The following MYCBP2 variants were observed in gnomAD, a reference collection of about 807,000 sequenced individuals.
MYCBP2 encodes the protein MYC binding protein 2, also known as E3 ubiquitin-protein ligase MYCBP2.
Under a neutral mutation model 525.3 loss-of-function variants are expected in MYCBP2, and 120 were observed. That is an observed-to-expected ratio of 0.23 (90% CI 0.20 to 0.27). The LOEUF (loss-of-function observed/expected upper bound fraction) is 0.27. Ranked by LOEUF, MYCBP2 falls within the 10% of genes least tolerant of loss-of-function variation. The pLI is 1.00. For synonymous variants in MYCBP2, 1,894 were observed against 1,955.8 expected, an observed-to-expected ratio of 0.97 and a Z score of 0.83; for missense variants, 4,149 against 5,657.1, an observed-to-expected ratio of 0.73 and a Z score of 8.55.
intron 43 of MYCBP2, 139 bp from the exon 44 acceptor site, chr13:77,162,094 A>G: frequency 4.7e-6 from 3 of 637,918 alleles, no homozygotes; most frequent in Non-Finnish European, 8.1e-6. Context: ...GATTCTGGAA[A>G]AAATCCTAGT....
At chr13:77,052,087 T>C (rs557457695) in intron 80 of MYCBP2, among the ~76,000 whole-genome samples, 169 bp from the exon 81 acceptor site, 3 of 152,316 alleles carry the variant, frequency 2.0e-5, no homozygotes, top group East Asian at 1.9e-4. Flanking sequence ...GCTGACTGTA[T>C]GTAGGGTGGA....
Position 77,051,037 on chromosome 13 carries a change from C to A in MYCBP2, c.13881G>T (p.Met4627Ile). ...CNACHDDFQRMTSIPKEELPH... is the reference protein window; with the variant it reads ...CNACHDDFQRITSIPKEELPH... The stretch of plus-strand genomic sequence containing the variant: ...GTAGTTCTTCCTTAGGAATGCTAGT[C>A]ATTCTTTGAAAATCATCATGACAAG... Residue 4627 changes from methionine (M) to isoleucine (I), a missense_variant, in exon 82 of 83, where the codon ATG becomes ATT. Around this residue, in one of 21 missense-constraint regions of MYCBP2, gnomAD observed 45 missense variants for 130.1 expected, o/e 0.35. Transcript: ENST00000544440. 1 of 1,613,194 alleles carries A rather than the reference C, an allele frequency of 6.2e-7. No individual in the cohort carries two copies. Among genetic ancestry groups the A allele is most frequent in the South Asian group, 1.1e-5 (1 of 90,952 alleles).
At chr13:77,154,220 T>C (rs78012799) in intron 46 of MYCBP2, among the ~76,000 whole-genome samples, 2,050 of 152,222 alleles carry the variant, frequency 0.013, 47 homozygotes, top group African/African-American at 0.046. Context: ...TCACTTCTTC[T>C]AGATAGTATT....
intron 4 of MYCBP2, among the ~76,000 whole-genome samples, chr13:77,277,869 C>T (rs1010387272): frequency 6.6e-5 from 10 of 151,986 alleles, no homozygotes; most frequent in African/African-American, 1.9e-4. Context: ...GTTTAAAGAC[C>T]CATAGTTAGC....
At position 77,200,031 on chromosome 13, in the gene MYCBP2, A is replaced by G. The variant is rs563896633; in HGVS notation, c.3843+5225T>C. ...CAGTTCCTCACCAGCAACGGAACAA[A>G]GCTGGATGGAGAATGACTTTGACGA... On this transcript the variant is annotated intron_variant, in intron 26 of 82. Transcript: ENST00000544440. 1.2e-4 allele frequency among the ~76,000 whole-genome samples: 18 copies of G among 152,346 alleles called. 1 individual carries two copies. The South Asian group carries it at 3.7e-3, about 32-fold the overall frequency.
At chr13:77,165,497 C>T in intron 41 of MYCBP2, 106 bp from the exon 42 acceptor site, 2 of 826,036 alleles carry the variant, frequency 2.4e-6, no homozygotes, top group Non-Finnish European at 3.9e-6. Context: ...TAGGTAAAAA[C>T]ACAAATCATA....
rs539091078 is a variant in MYCBP2, at chr13:77,105,915, A to G, written c.8141-6902T>C. ...CTTTGTTTTGGATCCCAAGTATTAA[A>G]TTCCCTGAGTCATATCATTTCCTAG... On this transcript the variant is annotated intron_variant, in intron 55 of 82. Transcript: ENST00000544440. Among the ~76,000 whole-genome samples the G allele has an allele frequency of 2.0e-4, 30 of 152,280 alleles. No individual in the cohort carries two copies. The Middle Eastern group carries it at 0.017, about 86-fold the overall frequency.
intron 17 of MYCBP2, among the ~76,000 whole-genome samples, chr13:77,233,961 A>G (rs2067509992): frequency 6.6e-6 from 1 of 151,888 alleles, no homozygotes; most frequent in Non-Finnish European, 1.5e-5. Context: ...TTTTGGAAAC[A>G]TCTTTCATTA....
chr13:77,246,319 CCTGA>C (rs1189672143), intron 15 of MYCBP2, among the ~76,000 whole-genome samples: 4 of 152,006 alleles, frequency 2.6e-5, no homozygotes, highest in Non-Finnish European at 4.4e-5. Flanking sequence ...CAGTAATATG[CCTGA>C]CTGACACTAT....
chr13:77,098,672 GGA>G lies in MYCBP2; in HGVS notation c.8480_8481del (p.Leu2827ProfsTer4). Reference sequence around the variant, plus strand: ...CCCGATGGGCTAGACCTATTGGCTGGGAGAGTCTTTGGCTTAGGAGATGACAA... The same window carrying G: ...CCCGATGGGCTAGACCTATTGGCTGGGAGTCTTTGGCTTAGGAGATGACAA... ...SRLSSPKPKT[L>X]PANRSSPSGA... is the part of the protein sequence containing the mutation. On this transcript the variant is annotated frameshift_variant, in exon 56 of 83. Coordinates refer to ENST00000544440, the MANE Select transcript of MYCBP2 (RefSeq NM_015057.5). LOFTEE classifies it high-confidence loss of function. The G allele has an allele frequency of 1.2e-6, 2 of 1,613,612 alleles. No individual in the cohort carries two copies. Among genetic ancestry groups the G allele is most frequent in the Non-Finnish European group, 1.7e-6 (2 of 1,179,792 alleles).
chr13:77,316,951 T>TG (rs2081020004), intron 1 of MYCBP2, among the ~76,000 whole-genome samples: 1 of 106,840 alleles, frequency 9.4e-6, no homozygotes, highest in South Asian at 2.6e-4. Context: ...CTTTTTTTGT[T>TG]GTTTTTTTTT....
chr13:77,183,551 T>TTC (rs2060434132), intron 32 of MYCBP2, among the ~76,000 whole-genome samples: 1 of 117,852 alleles, frequency 8.5e-6, no homozygotes, highest in African/African-American at 3.0e-5. Context: ...CTTTTTTTTT[T>TTC]TTTTTTTTTT....
In MYCBP2 at chr13:77,300,566, C is replaced by T. The variant is rs1381219162; in HGVS notation, c.303-3892G>A. On this transcript the variant is annotated intron_variant, in intron 1 of 82. Transcript: ENST00000544440. ...GTCTGTGGGTCTTTGTTTGCTCGCC[C>T]CAGATCTGGGGCATATTTTGATAAA... Among the ~76,000 whole-genome samples, 3 of 152,046 alleles carry T rather than the reference C, an allele frequency of 2.0e-5. No individual in the cohort carries two copies. The East Asian group carries it at 5.8e-4, about 29-fold the overall frequency.
chr13:77,180,054 T>G, intron 34 of MYCBP2, 73 bp downstream of exon 34: 1 of 1,273,418 alleles, frequency 7.9e-7, no homozygotes, highest in South Asian at 1.6e-5. Flanking sequence ...AAAGCCAAAA[T>G]AGTTGAAAAA....
At chr13:77,316,458 C>G (rs1332739207) in intron 1 of MYCBP2, among the ~76,000 whole-genome samples, 1 of 152,182 alleles carries the variant, frequency 6.6e-6, no homozygotes. Context: ...ATGTTCCCAG[C>G]AGTCGTGGGG....
intron 1 of MYCBP2, among the ~76,000 whole-genome samples, chr13:77,315,025 A>C (rs1216982741): frequency 6.6e-6 from 1 of 152,228 alleles, no homozygotes; most frequent in Non-Finnish European, 1.5e-5. Flanking sequence ...CATGCTAAAA[A>C]CTTCAACAAC....
At chr13:77,113,861 G>C (rs1040806793) in intron 55 of MYCBP2, among the ~76,000 whole-genome samples, 2 of 152,134 alleles carry the variant, frequency 1.3e-5, no homozygotes, top group African/African-American at 4.8e-5. Flanking sequence ...AAATATGTTG[G>C]TTGTTGTGAC....
In MYCBP2 at chr13:77,081,617, G is replaced by A. The variant is rs372837844; in HGVS notation, c.11228C>T (p.Thr3743Ile). The A allele has an allele frequency of 6.2e-7, 1 of 1,613,406 alleles. No individual in the cohort carries two copies. The highest frequency in any genetic ancestry group is 8.5e-7 in the Non-Finnish European group (1 of 1,179,814). Residue 3743 changes from threonine to isoleucine, a missense_variant, in exon 65 of 83, where the codon ACC becomes ATC. Thr to Ile is a moderately conservative substitution (Grantham distance 89). This residue lies in a region of MYCBP2 where 509 missense variants were observed against 789.4 expected (regional missense o/e 0.64). Coordinates refer to ENST00000544440, the MANE Select transcript of MYCBP2 (RefSeq NM_015057.5). This position sits in a 1 kb window ranked among gnomAD's most constrained non-coding sequence, Gnocchi z 4.6. ...TGAAGTTTTTATGTCAACAATGCTG[G>A]TTAAGTCCTTTAAGCACATTACTAT... ...LCIVMCLKDL[T>I]SIVDIKTSSR...
intron 1 of MYCBP2, among the ~76,000 whole-genome samples, chr13:77,320,223 A>T (rs1453692428): frequency 6.6e-6 from 1 of 152,172 alleles, no homozygotes; most frequent in African/African-American, 2.4e-5. Flanking sequence ...CAATGCGTGG[A>T]GTGGGACTCA....
Sources: allele counts gnomAD v4.1 joint callset (sites outside exome capture counted in the v4.1 genomes callset), GRCh38; gene constraint gnomAD v4.1.1; regional missense constraint gnomAD v4.1.1; non-coding constraint Gnocchi (gnomAD v3.1); transcripts MANE v1.5; gene names NCBI Gene and HGNC (gene_info 2026-07-23, HGNC 2026-07-21).